SPMIP2: variants seen among roughly 807,000 people sequenced by gnomAD.
SPMIP2 encodes the protein protein SPMIP2.
chr4:159,020,057 T>C, the SPMIP2 span, among the ~76,000 whole-genome samples: 4 of 151,734 alleles, frequency 2.6e-5, no homozygotes, highest in Non-Finnish European at 5.9e-5. Context: ...GAGTCGGAGG[T>C]TGCAGTGAGC....
chr4:159,001,583 G>A, the SPMIP2 span, among the ~76,000 whole-genome samples: 1 of 152,138 alleles, frequency 6.6e-6, no homozygotes. Flanking sequence ...ACTTATAAGT[G>A]AGAACATGCA....
the SPMIP2 span, among the ~76,000 whole-genome samples, chr4:159,077,393 G>T: frequency 1.3e-5 from 2 of 151,340 alleles, no homozygotes; most frequent in Non-Finnish European, 2.9e-5. Context: ...GTGATCTGCC[G>T]CCTCGGCCTC....
chr4:159,034,984 A>G, the SPMIP2 span: 1 of 1,430,706 alleles, frequency 7.0e-7, no homozygotes, highest in Admixed American at 1.8e-5. Context: ...ATGTGAGAGA[A>G]AAAGCAAATT....
the SPMIP2 span, among the ~76,000 whole-genome samples, chr4:159,016,187 G>A: frequency 6.6e-6 from 1 of 152,178 alleles, no homozygotes; most frequent in Non-Finnish European, 1.5e-5. Context: ...TGTTCTCTGT[G>A]TAAGAGACAT....
At chr4:159,065,228 AT>A in the SPMIP2 span, among the ~76,000 whole-genome samples, 1 of 152,218 alleles carries the variant, frequency 6.6e-6, no homozygotes, top group Non-Finnish European at 1.5e-5. Context: ...TAGAGACCAA[AT>A]GGCAGCACCT....
At chr4:158,938,426 T>C in the SPMIP2 span, among the ~76,000 whole-genome samples, 1 of 152,318 alleles carries the variant, frequency 6.6e-6, no homozygotes, top group East Asian at 1.9e-4. Context: ...ACTGTTTTGG[T>C]TTGATTTATT....
chr4:159,019,992 T>A, the SPMIP2 span, among the ~76,000 whole-genome samples: 2 of 152,054 alleles, frequency 1.3e-5, no homozygotes, highest in African/African-American at 4.8e-5. Context: ...TGGTGGCACA[T>A]GCCTGTAACC....
chr4:158,952,200 A>T, the SPMIP2 span, among the ~76,000 whole-genome samples: 2 of 152,210 alleles, frequency 1.3e-5, no homozygotes, highest in African/African-American at 4.8e-5. Context: ...TTTGAAAAGA[A>T]CATGACTTGA....
At chr4:158,986,824 T>C in the SPMIP2 span, among the ~76,000 whole-genome samples, 18 of 149,634 alleles carry the variant, frequency 1.2e-4, no homozygotes, top group African/African-American at 4.2e-4. Context: ...CAAAAGAAAC[T>C]ACCATCAGAG....
At chr4:158,904,510 C>T in the SPMIP2 span, 1 of 1,613,322 alleles carries the variant, frequency 6.2e-7, no homozygotes, top group Non-Finnish European at 8.5e-7. Flanking sequence ...ATTGCCAGTA[C>T]TCATTCTCCT....
the SPMIP2 span, among the ~76,000 whole-genome samples, chr4:158,928,046 G>A: frequency 1.3e-5 from 2 of 152,172 alleles, no homozygotes; most frequent in African/African-American, 4.8e-5. Context: ...CCTGCTCCAC[G>A]GTGCCCAGTC....
At chr4:158,991,316 T>A in the SPMIP2 span, among the ~76,000 whole-genome samples, 1,600 of 152,314 alleles carry the variant, frequency 0.011, 17 homozygotes, top group Middle Eastern at 0.048. Context: ...GTGACAACAT[T>A]GCCTCAGTCC....
the SPMIP2 span, among the ~76,000 whole-genome samples, chr4:159,045,654 G>A: frequency 1.3e-5 from 2 of 152,220 alleles, no homozygotes; most frequent in Non-Finnish European, 2.9e-5. Flanking sequence ...GAACAACACT[G>A]GGGTGTTCAT....
chr4:158,952,478 G>T, the SPMIP2 span, among the ~76,000 whole-genome samples: 1 of 152,184 alleles, frequency 6.6e-6, no homozygotes, highest in African/African-American at 2.4e-5. Context: ...CAGCCATGTG[G>T]AACTAAGTCC....
chr4:158,983,094 G>A, the SPMIP2 span, among the ~76,000 whole-genome samples: 1 of 152,154 alleles, frequency 6.6e-6, no homozygotes. Flanking sequence ...AATGAAGCGA[G>A]AAGGGAAGTT....
the SPMIP2 span, among the ~76,000 whole-genome samples, chr4:158,998,949 CAGG>C: frequency 6.6e-6 from 1 of 152,074 alleles, no homozygotes; most frequent in Non-Finnish European, 1.5e-5. Flanking sequence ...CACTTGAGTC[CAGG>C]AGTTCAAGAC....
At chr4:158,984,598 C>A in the SPMIP2 span, among the ~76,000 whole-genome samples, 1 of 151,584 alleles carries the variant, frequency 6.6e-6, no homozygotes, top group Non-Finnish European at 1.5e-5. Context: ...AACAAAGACA[C>A]AACATACCAG....
chr4:159,015,676 G>A, the SPMIP2 span, among the ~76,000 whole-genome samples: 1 of 152,110 alleles, frequency 6.6e-6, no homozygotes, highest in East Asian at 1.9e-4. Flanking sequence ...TTTGTAATTT[G>A]TATATAAATA....
the SPMIP2 span, among the ~76,000 whole-genome samples, chr4:159,020,591 C>T: frequency 1.3e-5 from 2 of 152,112 alleles, no homozygotes; most frequent in East Asian, 1.9e-4. Context: ...CAGTTATCTG[C>T]GAGGCTACCC....
Sources: gnomAD v4.1 joint callset for allele counts (sites outside exome capture counted in the v4.1 genomes callset) on GRCh38, gnomAD v4.1.1 for gene constraint, MANE v1.5 for transcripts, NCBI Gene and HGNC (gene_info 2026-07-23, HGNC 2026-07-21) for gene names.